SCN8A: variants seen among roughly 807,000 people sequenced by gnomAD.
SCN8A encodes sodium voltage-gated channel alpha subunit 8, also known as sodium channel protein type 8 subunit alpha.
In SCN8A, 30 loss-of-function variants were observed where a neutral mutation model predicts 184.1. That is an observed-to-expected ratio of 0.16 (90% confidence interval 0.12 to 0.22). The LOEUF (loss-of-function observed/expected upper bound fraction) is 0.22. Among genes scored for constraint, SCN8A ranks in the 10% least tolerant of loss-of-function variants. The pLI, the probability that SCN8A is intolerant of heterozygous loss-of-function variation, is 1.00. For synonymous variants in SCN8A, 852 were observed against 907.0 expected, an observed-to-expected ratio of 0.94 and a Z score of 1.09; for missense variants, 1,057 against 2,498.9, an observed-to-expected ratio of 0.42 and a Z score of 12.30.
At chr12:51,645,950 TAAAA>T (rs35944797) in intron 1 of SCN8A, among the ~76,000 whole-genome samples, 1 of 14,046 alleles carries the variant, frequency 7.1e-5, no homozygotes, top group African/African-American at 2.6e-4. Context: ...AATGATCAAT[TAAAA>T]AAAAAAAAAA....
intron 14 of SCN8A, among the ~76,000 whole-genome samples, 159 bp downstream of exon 14, chr12:51,751,752 T>A (rs1436403361): frequency 6.6e-6 from 1 of 152,242 alleles, no homozygotes; most frequent in Admixed American, 6.5e-5. Flanking sequence ...GCTGCTTTTC[T>A]GCTCACTGTT....
intron 10 of SCN8A, among the ~76,000 whole-genome samples, 158 bp downstream of exon 10, chr12:51,705,781 C>T (rs1941773708): frequency 6.6e-6 from 1 of 152,134 alleles, no homozygotes; most frequent in African/African-American, 2.4e-5. Flanking sequence ...GATGGTTGCT[C>T]CAATTATTCC....
chr12:51,629,172 C>T (rs1041213702), intron 1 of SCN8A, among the ~76,000 whole-genome samples: 5 of 152,148 alleles, frequency 3.3e-5, no homozygotes, highest in Admixed American at 2.6e-4. Flanking sequence ...AAATGGGCTG[C>T]TTAGGAGGTC....
intron 22 of SCN8A, among the ~76,000 whole-genome samples, 194 bp downstream of exon 22, chr12:51,787,020 T>C (rs1938105781): frequency 6.6e-6 from 1 of 152,188 alleles, no homozygotes; most frequent in African/African-American, 2.4e-5. Flanking sequence ...CTACAAGATC[T>C]CACTCAAAGG....
chr12:51,687,757 G>A (rs547831333), intron 5 of SCN8A, among the ~76,000 whole-genome samples: 7 of 152,308 alleles, frequency 4.6e-5, no homozygotes, highest in African/African-American at 1.7e-4. Context: ...CAAGATCAGT[G>A]TAACTCCACA....
At chr12:51,653,917 A>G (rs879516870) in intron 1 of SCN8A, among the ~76,000 whole-genome samples, 4 of 152,290 alleles carry the variant, frequency 2.6e-5, no homozygotes, top group Admixed American at 6.5e-5. Flanking sequence ...GTGGTATCTA[A>G]TTGTGATTTT....
At chr12:51,669,363 G>A (rs1048742523) in intron 2 of SCN8A, among the ~76,000 whole-genome samples, 1 of 152,172 alleles carries the variant, frequency 6.6e-6, no homozygotes, top group African/African-American at 2.4e-5. Flanking sequence ...GCAAAATAGA[G>A]TTAGACCCAT....
chr12:51,614,692 G>GT, intron 1 of SCN8A, among the ~76,000 whole-genome samples: 1 of 151,560 alleles, frequency 6.6e-6, no homozygotes, highest in Non-Finnish European at 1.5e-5. Context: ...CCAGGATCCG[G>GT]TCCAGGATAC....
intron 14 of SCN8A, among the ~76,000 whole-genome samples, chr12:51,756,172 C>T (rs1452832632): frequency 1.3e-5 from 2 of 152,136 alleles, no homozygotes; most frequent in South Asian, 2.1e-4. Context: ...TCTTAACACC[C>T]CTCACCAGGC....
chr12:51,593,649 T>A (rs1188240593), intron 1 of SCN8A, among the ~76,000 whole-genome samples: 2 of 152,168 alleles, frequency 1.3e-5, no homozygotes, highest in Non-Finnish European at 2.9e-5. Context: ...CGACCAGTTC[T>A]GCGGCGAAGT....
intron 12 of SCN8A, chr12:51,722,627 C>G (rs1378962795): frequency 6.6e-6 from 1 of 151,846 alleles, no homozygotes; most frequent in East Asian, 1.9e-4. Context: ...GAAACTGGAC[C>G]CAGACTTTTA....
At chr12:51,700,305 C>G (rs1401871684) in intron 7 of SCN8A, among the ~76,000 whole-genome samples, 1 of 152,180 alleles carries the variant, frequency 6.6e-6, no homozygotes, top group East Asian at 1.9e-4. Context: ...TCAGCCCTCT[C>G]TCTCCCTTTT....
chr12:51,737,242 A>G (rs1179070669), intron 12 of SCN8A, among the ~76,000 whole-genome samples: 1 of 152,154 alleles, frequency 6.6e-6, no homozygotes, highest in Non-Finnish European at 1.5e-5. Context: ...AAGGAGTTAG[A>G]GTCCGTGAAT....
chr12:51,789,480 C>T lies in SCN8A; in HGVS notation c.4419+62C>T, dbSNP rs562284903. On this transcript the variant is annotated intron_variant, in intron 24 of 26. Coordinates refer to ENST00000627620, the MANE Select transcript of SCN8A (RefSeq NM_001330260.2). ...CAGCCCAGATAAGAGGCACCTTTGT[C>T]CCTATCTCTAGAAAGAAAATGTCCC... 8,518 of 1,524,740 alleles carry T rather than the reference C, an allele frequency of 5.6e-3. 37 individuals are homozygous for T. The highest frequency in any genetic ancestry group is 6.7e-3 in the Non-Finnish European group (7,518 of 1,116,544). 94.5% of individuals were successfully genotyped at this position (1,524,740 alleles called of 1,614,324 possible).
chr12:51,598,947 A>G (rs535209013), intron 1 of SCN8A, among the ~76,000 whole-genome samples: 7 of 152,226 alleles, frequency 4.6e-5, no homozygotes, highest in Admixed American at 3.3e-4. Flanking sequence ...TCTTAGTAAA[A>G]TTTATATTCT....
At chr12:51,603,796 T>G (rs1314193420) in intron 1 of SCN8A, among the ~76,000 whole-genome samples, 3 of 152,146 alleles carry the variant, frequency 2.0e-5, no homozygotes, top group Non-Finnish European at 2.9e-5. Context: ...GATTTCAGTT[T>G]GCATTTCTGT....
chr12:51,605,991 T>C (rs1018184405), intron 1 of SCN8A, among the ~76,000 whole-genome samples: 7 of 152,220 alleles, frequency 4.6e-5, no homozygotes, highest in Admixed American at 4.6e-4. Flanking sequence ...AGATTCTGGT[T>C]ATTAGTCCTT....
chr12:51,732,246 A>T (rs763361377), intron 12 of SCN8A, among the ~76,000 whole-genome samples: 1 of 152,168 alleles, frequency 6.6e-6, no homozygotes, highest in Non-Finnish European at 1.5e-5. Flanking sequence ...TCATTTTTGT[A>T]CATGGTGAAA....
chr12:51,785,803 A>G (rs538434396), intron 21 of SCN8A, among the ~76,000 whole-genome samples: 12 of 152,110 alleles, frequency 7.9e-5, no homozygotes, highest in African/African-American at 2.9e-4. Flanking sequence ...ATACACTGTG[A>G]TGAGTGGAGT....
Sources: allele counts gnomAD v4.1 joint callset (sites outside exome capture counted in the v4.1 genomes callset), GRCh38; gene constraint gnomAD v4.1.1; transcripts MANE v1.5; gene names NCBI Gene and HGNC (gene_info 2026-07-23, HGNC 2026-07-21).